The following VWA8 variants were observed in gnomAD, a reference collection of about 807,000 sequenced individuals.
VWA8 encodes von Willebrand factor A domain-containing protein 8.
Under a neutral mutation model 241.5 loss-of-function variants are expected in VWA8, and 221 were observed. The observed-to-expected ratio is 0.91, with a 90% CI of 0.82 to 1.02. The LOEUF (loss-of-function observed/expected upper bound fraction) is 1.02, where lower values mean the gene tolerates loss of function less well. Among genes scored for constraint, VWA8 ranks in the 50% least tolerant of loss-of-function variants. VWA8 has a pLI of 0.00. For missense variants in VWA8, 2,322 were observed against 2,328.7 expected (o/e 1.00, Z 0.06); for synonymous variants, 852 against 827.1 (o/e 1.03, Z -0.52).
rs1555303591 is a variant in VWA8, at chr13:41,573,486, A to AATAAATAAATAAATAT, written c.5370+2253_5370+2254insATATTTATTTATTTAT. Among the ~76,000 whole-genome samples, 148 of 113,586 alleles carry AATAAATAAATAAATAT rather than the reference A, an allele frequency of 1.3e-3. 1 individual carries two copies. The highest frequency in any genetic ancestry group is 4.7e-3 in the African/African-American group (136 of 29,182). The allele number at this position is 113,586 out of a possible 152,430, so 74.5% of individuals were successfully genotyped here. Reference sequence around the variant, plus strand: ...GGTGGCTATAGTTTAAAAAAAAAAAAATATATATATATATATATATACCTC... The same window carrying AATAAATAAATAAATAT: ...GGTGGCTATAGTTTAAAAAAAAAAAAATAAATAAATAAATATATATATATATATATATATATACCTC... On this transcript the variant is annotated intron_variant, in intron 43 of 44. Coordinates refer to ENST00000379310, the MANE Select transcript of VWA8 (RefSeq NM_015058.2).
chr13:41,660,314 C>T (rs978345628), intron 37 of VWA8, among the ~76,000 whole-genome samples: 1 of 152,094 alleles, frequency 6.6e-6, no homozygotes, highest in Non-Finnish European at 1.5e-5. Flanking sequence ...TGGGGTTTCT[C>T]CATGTTGCCC....
chr13:41,910,246 A>AG (rs1311140275), intron 3 of VWA8, among the ~76,000 whole-genome samples: 1 of 152,172 alleles, frequency 6.6e-6, no homozygotes, highest in Non-Finnish European at 1.5e-5. Flanking sequence ...ACAAAATCTC[A>AG]GTGAGATATT....
intron 42 of VWA8, among the ~76,000 whole-genome samples, chr13:41,580,196 G>A (rs955214314): frequency 4.6e-5 from 7 of 152,040 alleles, no homozygotes; most frequent in Admixed American, 2.0e-4. Flanking sequence ...CCCCAGCTAC[G>A]CTCCCCTCCC....
chr13:41,716,191 C>G (rs9566830), intron 26 of VWA8, among the ~76,000 whole-genome samples: 8,511 of 151,846 alleles, frequency 0.056, 286 homozygotes, highest in East Asian at 0.12. Flanking sequence ...AATATATTTG[C>G]AGATAAGGAA....
intron 21 of VWA8, among the ~76,000 whole-genome samples, chr13:41,754,678 G>C (rs1364004250): frequency 6.6e-6 from 1 of 151,984 alleles, no homozygotes; most frequent in Non-Finnish European, 1.5e-5. Flanking sequence ...TGTTGTGTGG[G>C]CAAATACTAC....
intron 18 of VWA8, among the ~76,000 whole-genome samples, chr13:41,785,965 A>T (rs1375181228): frequency 6.6e-6 from 1 of 152,124 alleles, no homozygotes; most frequent in African/African-American, 2.4e-5. Flanking sequence ...GGACAAGTTT[A>T]TTCACTCATC....
chr13:41,940,642 G>T (rs1877555567), intron 2 of VWA8, among the ~76,000 whole-genome samples: 1 of 152,176 alleles, frequency 6.6e-6, no homozygotes, highest in African/African-American at 2.4e-5. Flanking sequence ...CAATTTATCT[G>T]TCTAATCAAT....
At chr13:41,656,382 A>G (rs1451585085) in intron 37 of VWA8, among the ~76,000 whole-genome samples, 1 of 152,198 alleles carries the variant, frequency 6.6e-6, no homozygotes, top group East Asian at 1.9e-4. Flanking sequence ...CCCCTCTTAA[A>G]ACAAACATCC....
chr13:41,920,975 C>T (rs1326402540), intron 2 of VWA8, among the ~76,000 whole-genome samples: 1 of 152,144 alleles, frequency 6.6e-6, no homozygotes, highest in East Asian at 1.9e-4. Flanking sequence ...TGGCAGAGAA[C>T]ACAAGAAAAA....
chr13:41,873,122 CT>C (rs1209285802), intron 9 of VWA8, among the ~76,000 whole-genome samples: 25 of 152,156 alleles, frequency 1.6e-4, no homozygotes, highest in Admixed American at 4.6e-4. Context: ...TAAAGATGTT[CT>C]TTGAAACCAA....
rs1385783090 is a variant in VWA8, at chr13:41,703,292, A to T, written c.3225+11T>A. On this transcript the variant is annotated intron_variant, in intron 27 of 44. Coordinates refer to ENST00000379310, the MANE Select transcript of VWA8 (RefSeq NM_015058.2). ...TTCAATATTTTAAGAGAGAATAATG[A>T]TGATATCAACCTTTATGTCTATATG... is the stretch of plus-strand genomic sequence containing the variant. The T allele has an allele frequency of 6.2e-7, 1 of 1,604,916 alleles. No individual in the cohort carries two copies. The highest frequency in any genetic ancestry group is 1.7e-5 in the Admixed American group (1 of 59,914).
chr13:41,706,260 G>A (rs1313563214), intron 26 of VWA8, among the ~76,000 whole-genome samples: 1 of 152,140 alleles, frequency 6.6e-6, no homozygotes, highest in Admixed American at 6.5e-5. Context: ...ATGTTGTCTG[G>A]CTCTATATAA....
chr13:41,862,995 G>A (rs540341477), intron 12 of VWA8, among the ~76,000 whole-genome samples: 9 of 152,126 alleles, frequency 5.9e-5, no homozygotes, highest in Non-Finnish European at 1.2e-4. Flanking sequence ...TTAATACTGA[G>A]TGTCAACTTG....
intron 13 of VWA8, among the ~76,000 whole-genome samples, chr13:41,832,739 G>T (rs922753804): frequency 6.6e-6 from 1 of 152,004 alleles, no homozygotes; most frequent in Non-Finnish European, 1.5e-5. Flanking sequence ...TTCTACAAAA[G>T]TTACACACGA....
At chr13:41,886,510 TAA>T (rs1358871414) in intron 7 of VWA8, among the ~76,000 whole-genome samples, 3 of 152,218 alleles carry the variant, frequency 2.0e-5, no homozygotes, top group African/African-American at 7.2e-5. Context: ...GAAGCCCTTA[TAA>T]AGTCTCAACT....
At position 41,643,709 on chromosome 13, in the gene VWA8, A is replaced by G. The variant is rs533230171; in HGVS notation, c.4611+27237T>C. 5.9e-5 allele frequency among the ~76,000 whole-genome samples: 9 copies of G among 152,326 alleles called. No homozygotes were observed. In the East Asian group the frequency reaches 1.5e-3, roughly 26 times the overall value. On this transcript the variant is annotated intron_variant, in intron 37 of 44. Transcript: ENST00000379310. ...GGCTGTACAGGGTAGGTCTCAGCTG[A>G]GGCAGTGTGAGTGGAGCTGAAAGTC...
chr13:41,923,556 G>A (rs1348679602), intron 2 of VWA8, among the ~76,000 whole-genome samples: 7 of 151,740 alleles, frequency 4.6e-5, no homozygotes, highest in South Asian at 2.1e-4. Context: ...GTAAGACCCC[G>A]GGCCTAGGAA....
intron 37 of VWA8, among the ~76,000 whole-genome samples, chr13:41,661,290 T>C (rs1351673727): frequency 2.0e-5 from 3 of 152,228 alleles, no homozygotes; most frequent in African/African-American, 7.2e-5. Flanking sequence ...CATAATTTGA[T>C]GGAGTTATAT....
At chr13:41,791,023 T>C (rs981076990) in intron 17 of VWA8, among the ~76,000 whole-genome samples, 2 of 152,018 alleles carry the variant, frequency 1.3e-5, no homozygotes, top group Non-Finnish European at 2.9e-5. Context: ...GTCTGCTTCA[T>C]AAAGTTCTTT....
Sources: gnomAD v4.1 joint callset for allele counts (sites outside exome capture counted in the v4.1 genomes callset) on GRCh38, gnomAD v4.1.1 for gene constraint, MANE v1.5 for transcripts, NCBI Gene and HGNC (gene_info 2026-07-23, HGNC 2026-07-21) for gene names.